PCDHB3: variants seen among roughly 807,000 people sequenced by gnomAD.
The protein encoded by PCDHB3 is protocadherin beta-3.
For synonymous variants in PCDHB3, 479 were observed against 456.0 expected (o/e 1.05, Z -0.64); for missense variants, 967 against 1,012.1 (o/e 0.96, Z 0.60).
Position 141,102,691 on chromosome 5 carries a change from C to T in PCDHB3, c.2042C>T (p.Ala681Val). ...LPLPEAAPAQ[A>V]QADLLTVYLV... ...CTCCCGGAGGCGGCACCGGCCCAGG[C>T]CCAGGCCGACTTGCTCACCGTCTAC... is the stretch of plus-strand genomic sequence containing the variant. The change falls in exon 1 of 1, where the codon GCC becomes GTC. Residue 681 changes from alanine to valine, a missense_variant. Ala to Val is a moderately conservative substitution (Grantham distance 64, BLOSUM62 0). Coordinates refer to ENST00000231130, the MANE Select transcript of PCDHB3 (RefSeq NM_018937.5). The T allele has an allele frequency of 1.2e-6, 2 of 1,611,720 alleles. No individual in the cohort carries two copies. Among genetic ancestry groups the T allele is most frequent in the Non-Finnish European group, 1.7e-6 (2 of 1,179,788 alleles).
In PCDHB3 at chr5:141,101,066, T is replaced by A; in HGVS notation, c.417T>A (p.His139Gln). The A allele has an allele frequency of 6.2e-7, 1 of 1,614,134 alleles. No individual in the cohort carries two copies. Among genetic ancestry groups the A allele is most frequent in the Non-Finnish European group, 8.5e-7 (1 of 1,180,030 alleles). Residue 139 changes from histidine to glutamine, a missense_variant, in exon 1 of 1, where the codon CAT becomes CAA. His to Gln is a conservative substitution (Grantham distance 24). Transcript: ENST00000231130. ...HSPVFFENEM[H>Q]LKILESTLPG... ...CGGTATTCTTTGAAAATGAAATGCA[T>A]CTGAAAATCCTAGAAAGCACTCTGC...
chr5:141,102,308 C>A lies in PCDHB3; in HGVS notation c.1659C>A (p.Asp553Glu). 5 of 1,611,650 alleles carry A rather than the reference C, an allele frequency of 3.1e-6. No individual in the cohort carries two copies. The highest frequency in any genetic ancestry group is 4.2e-6 in the Non-Finnish European group (5 of 1,179,684). The change falls in exon 1 of 1, where the codon GAC becomes GAA. Residue 553 changes from aspartate (D) to glutamate (E), a missense_variant. By Grantham distance (45) the Asp-to-Glu change is conservative (BLOSUM62 2). Transcript: ENST00000231130. ...CGCTGGTGCGCGTGCTGGTGCTGGA[C>A]GCCAACGACAACTCGCCCTTCGTGC... is the stretch of plus-strand genomic sequence containing the variant. The part of the protein sequence containing the change: ...SEALVRVLVL[D>E]ANDNSPFVLY...
chr5:141,103,223 T>C lies in PCDHB3; in HGVS notation c.*183T>C, dbSNP rs1752006954. ...CAGTACTGGAAAGTAGTTGTGTGGC[T>C]CTGAATGTTTTGTATTTCAATCGAG... On this transcript the variant is annotated 3_prime_UTR_variant, in exon 1 of 1. Transcript: ENST00000231130. 8 of 597,084 alleles carry C rather than the reference T, an allele frequency of 1.3e-5. No homozygotes were observed. In the South Asian group the frequency reaches 2.3e-4, roughly 17 times the overall value. 37.0% of individuals were successfully genotyped at this position (597,084 alleles called of 1,614,324 possible).
Position 141,103,183 on chromosome 5 carries a change from CT to C in PCDHB3, c.*145del. On this transcript the variant is annotated 3_prime_UTR_variant, in exon 1 of 1. Transcript: ENST00000231130. ...AGCAAAATATCAAATCCAGGGATGG[CT>C]TAGGTTTCATTAACAGTACTGGAAA... is the stretch of plus-strand genomic sequence containing the variant. The C allele has an allele frequency of 1.1e-6, 1 of 945,648 alleles. No individual in the cohort carries two copies. The highest frequency in any genetic ancestry group is 1.6e-6 in the Non-Finnish European group (1 of 633,268). The allele number at this position is 945,648 out of a possible 1,614,324, so 58.6% of individuals were successfully genotyped here. A position where few individuals can be genotyped will look rare whatever the true frequency, so the allele number is the denominator to read the frequency against.
rs782648308 is a variant in PCDHB3, at chr5:141,101,875, T to G, written c.1226T>G (p.Leu409Arg). 1 of 1,614,208 alleles carries G rather than the reference T, an allele frequency of 6.2e-7. No individual in the cohort carries two copies. The highest frequency in any genetic ancestry group is 8.5e-7 in the Non-Finnish European group (1 of 1,180,024). Residue 409 changes from leucine to arginine, a missense_variant, in exon 1 of 1, where the codon CTG (leucine) becomes CGG (arginine). Leu to Arg is a moderately radical substitution (Grantham distance 102). Coordinates refer to ENST00000231130, the MANE Select transcript of PCDHB3 (RefSeq NM_018937.5). ...TACACCCTAGTGTCAGAAGGCGCGC[T>G]GGACAGAGAGACCAGATCCGAGTAC... ...NFYTLVSEGA[L>R]DRETRSEYNI...
At position 141,102,313 on chromosome 5, in the gene PCDHB3, A is replaced by G. The variant is rs1431136550; in HGVS notation, c.1664A>G (p.Asn555Ser). The G allele has an allele frequency of 8.7e-6, 14 of 1,611,454 alleles. No individual in the cohort carries two copies. The East Asian group carries it at 1.6e-4, about 18-fold the overall frequency. The change falls in exon 1 of 1, where the codon AAC becomes AGC. Residue 555 changes from asparagine (N) to serine (S), a missense_variant. Physicochemically the swap from Asn to Ser is conservative, Grantham distance 46. Coordinates refer to ENST00000231130, the MANE Select transcript of PCDHB3 (RefSeq NM_018937.5). Reference protein sequence around the residue: ...ALVRVLVLDANDNSPFVLYPL... With the variant: ...ALVRVLVLDASDNSPFVLYPL... ...GTGCGCGTGCTGGTGCTGGACGCCAACGACAACTCGCCCTTCGTGCTGTAC... is the reference window on the plus strand; with the variant it reads ...GTGCGCGTGCTGGTGCTGGACGCCAGCGACAACTCGCCCTTCGTGCTGTAC...
At position 141,103,088 on chromosome 5, in the gene PCDHB3, G is replaced by A. The variant is rs1365213965; in HGVS notation, c.*48G>A. 2 of 1,550,932 alleles carry A rather than the reference G, an allele frequency of 1.3e-6. No homozygotes were observed. The highest frequency in any genetic ancestry group is 1.3e-5 in the South Asian group (1 of 79,196). The stretch of plus-strand genomic sequence containing the variant: ...CCTCGTCTTAGTTAATCTGTGGAAA[G>A]TCCTTTTTTACTGCTTTGTCCATTG... On this transcript the variant is annotated 3_prime_UTR_variant, in exon 1 of 1. Coordinates refer to ENST00000231130, the MANE Select transcript of PCDHB3 (RefSeq NM_018937.5).
Position 141,101,263 on chromosome 5 carries a change from A to G in PCDHB3, c.614A>G (p.Gln205Arg). The change falls in exon 1 of 1, where the codon CAG becomes CGG. Residue 205 changes from glutamine (Q) to arginine (R), a missense_variant. Coordinates refer to ENST00000231130, the MANE Select transcript of PCDHB3 (RefSeq NM_018937.5). ...VLDKALDPEE[Q>R]PELSLTLTAL... The stretch of plus-strand genomic sequence containing the variant: ...GATAAAGCGCTCGATCCGGAGGAGC[A>G]GCCGGAACTCAGCTTAACGCTCACC... 1.2e-6 allele frequency: 2 copies of G among 1,614,192 alleles called. No homozygotes were observed. Among genetic ancestry groups the G allele is most frequent in the Non-Finnish European group, 1.7e-6 (2 of 1,180,038 alleles).
Position 141,101,033 on chromosome 5 carries a change from C to T in PCDHB3, c.384C>T (p.Asp128=). ...AGCTCCGTATCATAGATGTAAATGA[C>T]CATTCTCCGGTATTCTTTGAAAATG... ...TNELRIIDVN[D]HSPVFFENEM... The change falls in exon 1 of 1, where the codon GAC becomes GAT. Residue 128 remains aspartate (D), a synonymous_variant. Coordinates refer to ENST00000231130, the MANE Select transcript of PCDHB3 (RefSeq NM_018937.5). 1 of 1,614,148 alleles carries T rather than the reference C, an allele frequency of 6.2e-7. No homozygotes were observed. Among genetic ancestry groups the T allele is most frequent in the Non-Finnish European group, 8.5e-7 (1 of 1,180,036 alleles).
rs782483103 is a variant in PCDHB3 at position 141,101,483 on chromosome 5, A to G, written c.834A>G (p.Ser278=). The G allele has an allele frequency of 1.2e-6, 2 of 1,614,076 alleles. No individual in the cohort carries two copies. The highest frequency in any genetic ancestry group is 4.5e-5 in the East Asian group (2 of 44,906). The stretch of plus-strand genomic sequence containing the variant: ...ATACAGGAAGTTTTGGGACAATATC[A>G]TATGCATTTTTTCATGCTTCTGAAG... ...DLDTGSFGTI[S]YAFFHASEEI... Residue 278 remains serine, a synonymous_variant, in exon 1 of 1, where the codon TCA becomes TCG. Transcript: ENST00000231130.
rs782520817 is a variant in PCDHB3 at position 141,100,828 on chromosome 5, C to G, written c.179C>G (p.Ala60Gly). 1 of 1,614,032 alleles carries G rather than the reference C, an allele frequency of 6.2e-7. No homozygotes were observed. Among genetic ancestry groups the G allele is most frequent in the Non-Finnish European group, 8.5e-7 (1 of 1,180,012 alleles). Residue 60 changes from alanine to glycine, a missense_variant, in exon 1 of 1, where the codon GCC (alanine) becomes GGC (glycine). Coordinates refer to ENST00000231130, the MANE Select transcript of PCDHB3 (RefSeq NM_018937.5). ...CTGGGACTAAGGGTAGAGGAACTGG[C>G]CGCGAGGGGGGCCCAAGTTGTGTCC... ...KDLGLRVEEL[A>G]ARGAQVVSKG...
At position 141,101,832 on chromosome 5, in the gene PCDHB3, C is replaced by G. The variant is rs782689185; in HGVS notation, c.1183C>G (p.Pro395Ala). 5.6e-6 allele frequency: 9 copies of G among 1,614,002 alleles called. No homozygotes were observed. The East Asian group carries it at 2.0e-4, about 36-fold the overall frequency. ...GAACAATCTCCCCTTCTTCCTGAAA[C>G]CATCTGTAGAGAATTTTTACACCCT... ...IENNLPFFLK[P>A]SVENFYTLVS... is the part of the protein sequence containing the mutation. The change falls in exon 1 of 1, where the codon CCA (proline) becomes GCA (alanine). Residue 395 changes from proline (P) to alanine (A), a missense_variant. Transcript: ENST00000231130.
chr5:141,102,289 T>A lies in PCDHB3; in HGVS notation c.1640T>A (p.Val547Glu). ...CCGGCTTTGAGCAGCGAGGCGCTGG[T>A]GCGCGTGCTGGTGCTGGACGCCAAC... ...GSPALSSEAL[V>E]RVLVLDANDN... The change falls in exon 1 of 1, where the codon GTG becomes GAG. Residue 547 changes from valine to glutamate, a missense_variant. By Grantham distance (121) the Val-to-Glu change is moderately radical. Coordinates refer to ENST00000231130, the MANE Select transcript of PCDHB3 (RefSeq NM_018937.5). 6.2e-7 allele frequency: 1 copy of A among 1,611,776 alleles called. No individual in the cohort carries two copies. Among genetic ancestry groups the A allele is most frequent in the Non-Finnish European group, 8.5e-7 (1 of 1,179,722 alleles).
In PCDHB3 at chr5:141,101,865, G is replaced by T; in HGVS notation, c.1216G>T (p.Glu406Ter). The T allele has an allele frequency of 6.2e-7, 1 of 1,613,998 alleles. No homozygotes were observed. The highest frequency in any genetic ancestry group is 8.5e-7 in the Non-Finnish European group (1 of 1,179,994). Residue 406 changes from glutamate (E) to a stop codon, truncating the protein, a stop_gained, in exon 1 of 1, where the codon GAA (glutamate) becomes TAA (stop). Coordinates refer to ENST00000231130, the MANE Select transcript of PCDHB3 (RefSeq NM_018937.5). LOFTEE classifies it low-confidence loss of function (END_TRUNC). The part of the protein sequence containing the change: ...SVENFYTLVS[E>*]GALDRETRSE... ...AGAGAATTTTTACACCCTAGTGTCA[G>T]AAGGCGCGCTGGACAGAGAGACCAG...
rs1751936575 is a variant in PCDHB3 at position 141,101,349 on chromosome 5, G to T, written c.700G>T (p.Asp234Tyr). The change falls in exon 1 of 1, where the codon GAT becomes TAT. Residue 234 changes from aspartate to tyrosine, a missense_variant. Transcript: ENST00000231130. ...AGCCCAGATAAACATCCAGGTCTTA[G>T]ATATAAACGACAATGCACCAGAATT... Reference protein sequence around the residue: ...GTAQINIQVLDINDNAPEFAQ... With the variant: ...GTAQINIQVLYINDNAPEFAQ... 1 of 1,613,758 alleles carries T rather than the reference G, an allele frequency of 6.2e-7. No homozygotes were observed. Among genetic ancestry groups the T allele is most frequent in the Non-Finnish European group, 8.5e-7 (1 of 1,179,964 alleles).
rs1554272626 is a variant in PCDHB3 at position 141,102,615 on chromosome 5, G to T, written c.1966G>T (p.Ala656Ser). 7 of 1,608,948 alleles carry T rather than the reference G, an allele frequency of 4.4e-6. No homozygotes were observed. The highest frequency in any genetic ancestry group is 5.9e-6 in the Non-Finnish European group (7 of 1,179,732). ...TGGCGAGCCTCCGCGCTCGGCCACC[G>T]CCACGCTGCATGTGCTCCTGGTGGA... ...DNGEPPRSAT[A>S]TLHVLLVDGF... The change falls in exon 1 of 1, where the codon GCC (alanine) becomes TCC (serine). Residue 656 changes from alanine to serine, a missense_variant. Coordinates refer to ENST00000231130, the MANE Select transcript of PCDHB3 (RefSeq NM_018937.5).
rs138158842 is a variant in PCDHB3 at position 141,102,309 on chromosome 5, G to A, written c.1660G>A (p.Ala554Thr). ...GCTGGTGCGCGTGCTGGTGCTGGAC[G>A]CCAACGACAACTCGCCCTTCGTGCT... ...EALVRVLVLD[A>T]NDNSPFVLYP... The change falls in exon 1 of 1, where the codon GCC becomes ACC. Residue 554 changes from alanine to threonine, a missense_variant. Physicochemically the swap from Ala to Thr is moderately conservative, Grantham distance 58. Coordinates refer to ENST00000231130, the MANE Select transcript of PCDHB3 (RefSeq NM_018937.5). The A allele has an allele frequency of 2.5e-5, 41 of 1,611,516 alleles. No homozygotes were observed. The highest frequency in any genetic ancestry group is 2.0e-4 in the Admixed American group (12 of 59,974).
chr5:141,101,263 A>C lies in PCDHB3; in HGVS notation c.614A>C (p.Gln205Pro). 6.2e-7 allele frequency: 1 copy of C among 1,614,192 alleles called. No individual in the cohort carries two copies. Among genetic ancestry groups the C allele is most frequent in the Non-Finnish European group, 8.5e-7 (1 of 1,180,038 alleles). Residue 205 changes from glutamine to proline, a missense_variant, in exon 1 of 1, where the codon CAG becomes CCG. Gln to Pro is a moderately conservative substitution (Grantham distance 76). Coordinates refer to ENST00000231130, the MANE Select transcript of PCDHB3 (RefSeq NM_018937.5). ...VLDKALDPEE[Q>P]PELSLTLTAL... ...GATAAAGCGCTCGATCCGGAGGAGCAGCCGGAACTCAGCTTAACGCTCACC... is the reference window on the plus strand; with the variant it reads ...GATAAAGCGCTCGATCCGGAGGAGCCGCCGGAACTCAGCTTAACGCTCACC...
rs1207803816 is a variant in PCDHB3, at chr5:141,102,650, C to G, written c.2001C>G (p.Ser667=). The change falls in exon 1 of 1, where the codon TCC becomes TCG. Residue 667 remains serine, a synonymous_variant. Transcript: ENST00000231130. ...ATGTGCTCCTGGTGGACGGCTTCTC[C>G]CAGCCCTACCTGCCTCTCCCGGAGG... ...TLHVLLVDGF[S]QPYLPLPEAA... 3 of 1,610,530 alleles carry G rather than the reference C, an allele frequency of 1.9e-6. No individual in the cohort carries two copies. The highest frequency in any genetic ancestry group is 1.7e-5 in the Admixed American group (1 of 59,998).
Sources: allele counts gnomAD v4.1 joint callset, GRCh38; gene constraint gnomAD v4.1.1; transcripts MANE v1.5; gene names NCBI Gene and HGNC (gene_info 2026-07-23, HGNC 2026-07-21).